FRY: variants seen among roughly 807,000 people sequenced by gnomAD.
The protein encoded by FRY is protein furry homolog.
In FRY, 128 loss-of-function variants were observed where a neutral mutation model predicts 348.4. The observed-to-expected ratio is 0.37, with a 90% confidence interval of 0.32 to 0.43. The LOEUF (loss-of-function observed/expected upper bound fraction) is 0.43. Among genes scored for constraint, FRY ranks in the 20% least tolerant of loss-of-function variants. FRY has a pLI of 1.00. For synonymous variants in FRY, 1,370 were observed against 1,374.7 expected, an observed-to-expected ratio of 1.00 and a Z score of 0.08; for missense variants, 2,736 against 3,695.2, an observed-to-expected ratio of 0.74 and a Z score of 6.73.
intron 3 of FRY, among the ~76,000 whole-genome samples, chr13:32,107,357 T>A (rs1877623990): frequency 6.6e-6 from 1 of 151,950 alleles, no homozygotes; most frequent in South Asian, 2.1e-4. Context: ...AAATAAAAAA[T>A]AAAAATAAAG....
At chr13:32,086,595 G>A (rs1875878273) in intron 2 of FRY, among the ~76,000 whole-genome samples, 1 of 152,014 alleles carries the variant, frequency 6.6e-6, no homozygotes, top group Non-Finnish European at 1.5e-5. Flanking sequence ...AATTCCATCT[G>A]GATCTAGTCT....
At chr13:32,288,767 A>G (rs1889194700) in intron 58 of FRY, among the ~76,000 whole-genome samples, 1 of 152,216 alleles carries the variant, frequency 6.6e-6, no homozygotes, top group South Asian at 2.1e-4. Flanking sequence ...ATGAAATTCT[A>G]TTGAGCAAAG....
rs1886636328 is a variant in FRY, at chr13:32,243,883, G to A, written c.6688-159G>A. Among the ~76,000 whole-genome samples, 4 of 152,156 alleles carry A rather than the reference G, an allele frequency of 2.6e-5. No individual in the cohort carries two copies. The East Asian group carries it at 7.7e-4, about 29-fold the overall frequency. On this transcript the variant is annotated intron_variant, in intron 46 of 60. Transcript: ENST00000542859. ...GAGGCAGGAGGATCTCTTGAGGCCA[G>A]GAGTTCGAGACTAGGCTGGGCAACA... is the stretch of plus-strand genomic sequence containing the variant.
intron 51 of FRY, among the ~76,000 whole-genome samples, chr13:32,256,267 C>T (rs1395955257): frequency 1.3e-5 from 2 of 152,110 alleles, no homozygotes; most frequent in African/African-American, 4.8e-5. Context: ...GGCACAGTGG[C>T]TCACACCTGT....
intron 1 of FRY, among the ~76,000 whole-genome samples, chr13:32,068,561 A>T (rs546563547): frequency 6.6e-6 from 1 of 152,252 alleles, no homozygotes; most frequent in East Asian, 1.9e-4. Context: ...TATAAAGGAA[A>T]TCACTGAAGT....
At chr13:32,231,825 G>T (rs1566152559) in intron 41 of FRY, among the ~76,000 whole-genome samples, 2 of 152,140 alleles carry the variant, frequency 1.3e-5, no homozygotes, top group Non-Finnish European at 2.9e-5. Flanking sequence ...ATTCCTTCAG[G>T]TCCAAGTTGG....
chr13:32,048,938 T>C (rs1873172973), intron 1 of FRY, among the ~76,000 whole-genome samples: 1 of 152,180 alleles, frequency 6.6e-6, no homozygotes, highest in Non-Finnish European at 1.5e-5. Context: ...AATGCTTACA[T>C]GTGTAGGGTA....
chr13:32,063,370 G>A (rs1283537940), intron 1 of FRY, among the ~76,000 whole-genome samples: 6 of 152,094 alleles, frequency 3.9e-5, no homozygotes, highest in East Asian at 1.9e-4. Context: ...CTGGTTTGTC[G>A]TTTCTGGCAG....
At chr13:32,206,818 T>C (rs1432996543) in intron 31 of FRY, among the ~76,000 whole-genome samples, 1 of 152,204 alleles carries the variant, frequency 6.6e-6, no homozygotes, top group East Asian at 1.9e-4. Flanking sequence ...GTTTTTAATA[T>C]AAACCCTGTG....
intron 1 of FRY, among the ~76,000 whole-genome samples, chr13:32,045,792 TTTAAG>T (rs1872988604): frequency 1.3e-5 from 2 of 152,170 alleles, no homozygotes; most frequent in South Asian, 4.1e-4. Context: ...ACAAACACAA[TTTAAG>T]TTAAAAGGAA....
chr13:32,117,593 G>A lies in FRY; in HGVS notation c.464+120G>A. The A allele has an allele frequency of 6.2e-6, 6 of 962,790 alleles. No individual in the cohort carries two copies. The South Asian group carries it at 8.0e-5, about 13-fold the overall frequency. The allele number at this position is 962,790 out of a possible 1,614,324, so 59.6% of individuals were successfully genotyped here. On this transcript the variant is annotated intron_variant, in intron 4 of 60. Transcript: ENST00000542859. ...TGACTCTTCACAAGGATGCCTAGCA[G>A]GTGCTGCAGGGGCCCTGTGTCTGTA...
intron 47 of FRY, 149 bp from the exon 48 acceptor site, chr13:32,247,174 A>G: frequency 1.5e-6 from 1 of 656,794 alleles, no homozygotes; most frequent in East Asian, 2.7e-5. Context: ...TTTTTATGTC[A>G]TTTGCCTTTT....
intron 1 of FRY, among the ~76,000 whole-genome samples, chr13:32,034,236 G>A (rs1420429007): frequency 6.6e-6 from 1 of 152,194 alleles, no homozygotes; most frequent in Non-Finnish European, 1.5e-5. Context: ...TAGAAGAAAG[G>A]TAATTCCATA....
At chr13:32,129,206 A>G (rs915969373) in intron 7 of FRY, among the ~76,000 whole-genome samples, 39 of 152,332 alleles carry the variant, frequency 2.6e-4, no homozygotes, top group Admixed American at 9.2e-4. Flanking sequence ...CATGGTGTCC[A>G]TTTTATGATA....
chr13:32,117,806 G>A (rs1026488075), intron 4 of FRY, among the ~76,000 whole-genome samples: 3 of 152,188 alleles, frequency 2.0e-5, no homozygotes, highest in Admixed American at 1.3e-4. Context: ...CAGGCCTTGC[G>A]TGACATGCCA....
intron 41 of FRY, 105 bp downstream of exon 41, chr13:32,231,405 T>C: frequency 9.1e-7 from 1 of 1,096,704 alleles, no homozygotes; most frequent in South Asian, 1.3e-5. Context: ...GCACTCCACA[T>C]CCATAGCACG....
At position 32,174,973 on chromosome 13, in the gene FRY, G is replaced by A. The variant is rs536833836; in HGVS notation, c.2335-573G>A. On this transcript the variant is annotated intron_variant, in intron 19 of 60. Transcript: ENST00000542859. ...TATATAAATGAATCCATTCATTTAT[G>A]TATTATTCACATAGAATTTTCACTA... Among the ~76,000 whole-genome samples the A allele has an allele frequency of 2.6e-5, 4 of 152,044 alleles. No individual in the cohort carries two copies. The South Asian group carries it at 8.3e-4, about 32-fold the overall frequency.
At chr13:32,259,843 A>G (rs962751723) in intron 51 of FRY, among the ~76,000 whole-genome samples, 1 of 151,968 alleles carries the variant, frequency 6.6e-6, no homozygotes, top group Non-Finnish European at 1.5e-5. Context: ...ACAGTTAGCC[A>G]TTTTCTACCA....
At chr13:32,200,797 C>T (rs190925155) in intron 29 of FRY, among the ~76,000 whole-genome samples, 1 of 152,202 alleles carries the variant, frequency 6.6e-6, no homozygotes, top group African/African-American at 2.4e-5. Context: ...CCTCTCCCCC[C>T]ATCCCACACA....
Sources: gnomAD v4.1 joint callset for allele counts (sites outside exome capture counted in the v4.1 genomes callset) on GRCh38, gnomAD v4.1.1 for gene constraint, MANE v1.5 for transcripts, NCBI Gene and HGNC (gene_info 2026-07-23, HGNC 2026-07-21) for gene names.